Variants in GMEB2 observed in about 807,000 individuals in gnomAD.
The protein encoded by GMEB2 is glucocorticoid modulatory element-binding protein 2.
GMEB2 carries 7 observed loss-of-function variants against 45.7 expected under a neutral mutation model. The observed-to-expected ratio is 0.15, with a 90% CI of 0.09 to 0.29. GMEB2 has a LOEUF of 0.29. Among genes scored for constraint, GMEB2 ranks in the 10% least tolerant of loss-of-function variants. GMEB2 has a pLI of 1.00. For missense variants in GMEB2, 582 were observed against 739.2 expected (o/e 0.79, Z 2.47); for synonymous variants, 322 against 323.6 (o/e 1.00, Z 0.05).
chr20:63,610,446 G>A (rs763886833), intron 2 of GMEB2, among the ~76,000 whole-genome samples: 3 of 152,150 alleles, frequency 2.0e-5, no homozygotes, highest in East Asian at 3.8e-4. Context: ...GCGTGAACCC[G>A]GGAGGTGGAG....
chr20:63,588,808 G>A lies in GMEB2; in HGVS notation c.*1281C>T, dbSNP rs572965601. On this transcript the variant is annotated 3_prime_UTR_variant, in exon 10 of 10. Coordinates refer to ENST00000370077, the MANE Select transcript of GMEB2 (RefSeq NM_012384.5). ...GGACATGCCCTGTTGGAGACGGCAG[G>A]AGGCCTGGGCTGGCTGCTCCCTGAG... 5 of 398,726 alleles carry A rather than the reference G, an allele frequency of 1.3e-5. No individual in the cohort carries two copies. In the Admixed American group the frequency reaches 1.8e-4, roughly 14 times the overall value. 24.7% of individuals were successfully genotyped at this position (398,726 alleles called of 1,614,324 possible).
rs564123102 is a variant in GMEB2, at chr20:63,593,382, G to T, written c.620-300C>A. 1.3e-4 allele frequency among the ~76,000 whole-genome samples: 19 copies of T among 151,964 alleles called. No individual in the cohort carries two copies. The highest frequency in any genetic ancestry group is 1.2e-3 in the Admixed American group (19 of 15,266). ...TTCCTCCTCTTGTCCATTTACGATT[G>T]TACTCAACAAGCACTTTCGACTGGA... is the stretch of plus-strand genomic sequence containing the variant. On this transcript the variant is annotated intron_variant, in intron 6 of 9. Coordinates refer to ENST00000370077, the MANE Select transcript of GMEB2 (RefSeq NM_012384.5). This position sits in a 1 kb window ranked among gnomAD's most constrained non-coding sequence, Gnocchi z 4.7.
rs1180805181 is a variant in GMEB2, at chr20:63,589,834, A to G, written c.*255T>C. The G allele has an allele frequency of 4.8e-6, 2 of 415,448 alleles. No individual in the cohort carries two copies. The highest frequency in any genetic ancestry group is 2.0e-5 in the African/African-American group (1 of 48,942). 25.7% of individuals were successfully genotyped at this position (415,448 alleles called of 1,614,324 possible). On this transcript the variant is annotated 3_prime_UTR_variant, in exon 10 of 10. Coordinates refer to ENST00000370077, the MANE Select transcript of GMEB2 (RefSeq NM_012384.5). Reference sequence around the variant, plus strand: ...CAATGTGTAAACAGTATTAATAAGCAACAGATGGAAAAATATATTTCCCAA... The same window carrying G: ...CAATGTGTAAACAGTATTAATAAGCGACAGATGGAAAAATATATTTCCCAA...
intron 1 of GMEB2, among the ~76,000 whole-genome samples, chr20:63,620,342 T>C (rs930632907): frequency 6.6e-6 from 1 of 152,216 alleles, no homozygotes; most frequent in Admixed American, 6.5e-5. Flanking sequence ...ACTAAAGGAA[T>C]GGTGGCCCAA....
intron 2 of GMEB2, among the ~76,000 whole-genome samples, chr20:63,616,568 C>A (rs938323256): frequency 5.9e-5 from 9 of 152,264 alleles, no homozygotes; most frequent in Non-Finnish European, 1.0e-4. Flanking sequence ...CGCGCAGACG[C>A]AGAGAGCAGC....
chr20:63,617,493 C>CT (rs1489192187), intron 2 of GMEB2, among the ~76,000 whole-genome samples: 1 of 152,220 alleles, frequency 6.6e-6, no homozygotes, highest in Non-Finnish European at 1.5e-5. Context: ...CCCGAGCAGA[C>CT]TAAGACACAC....
At chr20:63,599,207 C>T (rs1233006973) in intron 4 of GMEB2, among the ~76,000 whole-genome samples, 2 of 149,132 alleles carry the variant, frequency 1.3e-5, no homozygotes, top group Non-Finnish European at 2.9e-5. Context: ...GCTAACGTGG[C>T]CGCTCCTGAC....
intron 4 of GMEB2, among the ~76,000 whole-genome samples, chr20:63,598,140 G>A (rs2083213715): frequency 6.6e-6 from 1 of 152,218 alleles, no homozygotes; most frequent in Non-Finnish European, 1.5e-5. Context: ...CAGGTAGAAG[G>A]TGTGTGGCCT....
chr20:63,617,945 G>A (rs1271790609), intron 2 of GMEB2, among the ~76,000 whole-genome samples: 1 of 152,112 alleles, frequency 6.6e-6, no homozygotes, highest in African/African-American at 2.4e-5. Flanking sequence ...GGCACCATGA[G>A]AAAGCTACGT....
chr20:63,611,800 T>C (rs940505592), intron 2 of GMEB2, among the ~76,000 whole-genome samples: 7 of 151,726 alleles, frequency 4.6e-5, no homozygotes, highest in Admixed American at 4.6e-4. Context: ...GGAGGACTGC[T>C]TGAGTCCAGG....
chr20:63,588,470 A>C lies in GMEB2; in HGVS notation c.*1619T>G. The C allele has an allele frequency of 6.3e-6, 2 of 316,994 alleles. No individual in the cohort carries two copies. Among genetic ancestry groups the C allele is most frequent in the Non-Finnish European group, 1.1e-5 (2 of 174,372 alleles). The allele number at this position is 316,994 out of a possible 1,614,324, so 19.6% of individuals were successfully genotyped here. On this transcript the variant is annotated 3_prime_UTR_variant, in exon 10 of 10. Coordinates refer to ENST00000370077, the MANE Select transcript of GMEB2 (RefSeq NM_012384.5). The stretch of plus-strand genomic sequence containing the variant: ...AGTGGAAATGAGTTTAAAACGGAGT[A>C]TGTACATCAAAAGATCAACATCACG...
chr20:63,602,836 C>T (rs956151472), intron 4 of GMEB2, 129 bp downstream of exon 4: 13 of 789,338 alleles, frequency 1.6e-5, no homozygotes, highest in East Asian at 2.5e-5. Flanking sequence ...AGGTTCTTCC[C>T]GCACCTCCTT....
At chr20:63,615,647 T>G (rs1248427789) in intron 2 of GMEB2, among the ~76,000 whole-genome samples, 1 of 152,120 alleles carries the variant, frequency 6.6e-6, no homozygotes, top group East Asian at 1.9e-4. Flanking sequence ...AAATTTAAAT[T>G]TGAATTGAAT....
intron 5 of GMEB2, among the ~76,000 whole-genome samples, chr20:63,596,255 C>T (rs1367007067): frequency 5.9e-5 from 9 of 152,374 alleles, no homozygotes; most frequent in South Asian, 2.1e-4. Flanking sequence ...ACAGCACCAA[C>T]GGCCATGGCT....
chr20:63,604,414 C>T (rs1365923159), intron 3 of GMEB2, among the ~76,000 whole-genome samples: 2 of 152,034 alleles, frequency 1.3e-5, no homozygotes, highest in African/African-American at 2.4e-5. Context: ...ATTCACTGAT[C>T]GTTATAATAA....
At chr20:63,626,115 C>CACACCACCATGGGTCT (rs2089669639) in intron 1 of GMEB2, among the ~76,000 whole-genome samples, 1 of 151,982 alleles carries the variant, frequency 6.6e-6, no homozygotes, top group Non-Finnish European at 1.5e-5. Context: ...CAACAGGGTC[C>CACACCACCATGGGTCT]ACACCACCAT....
At chr20:63,609,518 C>T (rs1354163265) in intron 2 of GMEB2, among the ~76,000 whole-genome samples, 2 of 54,362 alleles carry the variant, frequency 3.7e-5, no homozygotes, top group African/African-American at 5.5e-5. Context: ...CCCCTCTGAC[C>T]CCACCTCCAT....
chr20:63,604,707 A>G (rs775395641), intron 3 of GMEB2, 36 bp downstream of exon 3: 3 of 1,141,524 alleles, frequency 2.6e-6, no homozygotes, highest in Non-Finnish European at 2.7e-6. Flanking sequence ...CTGCTGCGGC[A>G]AGAAGGCAGA....
chr20:63,594,800 G>C (rs1272221333), intron 6 of GMEB2, among the ~76,000 whole-genome samples: 2 of 152,006 alleles, frequency 1.3e-5, no homozygotes, highest in Non-Finnish European at 2.9e-5. Flanking sequence ...CCAGGCTGGA[G>C]GGCAGTGGAG....
Sources: allele counts gnomAD v4.1 joint callset (sites outside exome capture counted in the v4.1 genomes callset), GRCh38; gene constraint gnomAD v4.1.1; non-coding constraint Gnocchi (gnomAD v3.1); transcripts MANE v1.5; gene names NCBI Gene and HGNC (gene_info 2026-07-23, HGNC 2026-07-21).